CIDEC: variants seen among roughly 807,000 people sequenced by gnomAD.
CIDEC encodes the protein cell death inducing DFFA like effector c, also known as lipid transferase CIDEC.
CIDEC carries 11 observed loss-of-function variants against 21.9 expected under a neutral mutation model. The observed-to-expected ratio is 0.50, with a 90% confidence interval of 0.32 to 0.83. CIDEC has a LOEUF of 0.83. Ranked by LOEUF, CIDEC falls within the 40% of genes least tolerant of loss-of-function variation. CIDEC has a pLI of 0.04. For missense variants in CIDEC, 302 were observed against 302.3 expected (o/e 1.00, Z 0.01); for synonymous variants, 127 against 124.9 (o/e 1.02, Z -0.11).
At chr3:9,871,345 A>AT (rs58903003) in intron 4 of CIDEC, among the ~76,000 whole-genome samples, 10,866 of 120,608 alleles carry the variant, frequency 0.09, 606 homozygotes, top group South Asian at 0.21. Context: ...TGCCCAGCTA[A>AT]TTTTTTTTTT....
Position 9,867,105 on chromosome 3 carries a change from C to G in CIDEC, c.*29G>C. On this transcript the variant is annotated 3_prime_UTR_variant, in exon 7 of 7. Transcript: ENST00000336832. ...CGTGAGGCCCCCAGTCAGTCCTTCA[C>G]TGGGGAAAGCTTCCAAGGACTTGGG... The G allele has an allele frequency of 1.9e-6, 3 of 1,612,216 alleles. No homozygotes were observed. Among genetic ancestry groups the G allele is most frequent in the Non-Finnish European group, 2.5e-6 (3 of 1,179,796 alleles).
At chr3:9,870,141 A>T in intron 5 of CIDEC, 23 bp downstream of exon 5, 1 of 1,613,992 alleles carries the variant, frequency 6.2e-7, no homozygotes, top group Non-Finnish European at 8.5e-7. Flanking sequence ...CTCCCCCATC[A>T]GGTGCAACAG....
At chr3:9,869,459 A>G (rs1282431099) in intron 6 of CIDEC, among the ~76,000 whole-genome samples, 1 of 152,116 alleles carries the variant, frequency 6.6e-6, no homozygotes, top group Non-Finnish European at 1.5e-5. Context: ...CATGTTGGCC[A>G]GGCTGGTCTC....
chr3:9,870,473 G>A (rs2082333391), intron 4 of CIDEC, 151 bp from the exon 5 acceptor site: 2 of 1,536,520 alleles, frequency 1.3e-6, no homozygotes, highest in African/African-American at 2.7e-5. Flanking sequence ...AGGGTTCCTA[G>A]TCTAGAATAA....
intron 4 of CIDEC, among the ~76,000 whole-genome samples, chr3:9,874,236 C>T (rs185459385): frequency 6.6e-6 from 1 of 151,908 alleles, no homozygotes; most frequent in Non-Finnish European, 1.5e-5. Context: ...AATAAATAGG[C>T]CAGATGCAGT....
intron 6 of CIDEC, among the ~76,000 whole-genome samples, chr3:9,867,879 G>A (rs2082294822): frequency 6.6e-6 from 1 of 152,004 alleles, no homozygotes; most frequent in African/African-American, 2.4e-5. Flanking sequence ...GTAGTGAGCT[G>A]AGATTGTGCC....
intron 4 of CIDEC, among the ~76,000 whole-genome samples, chr3:9,874,621 A>G (rs1353572021): frequency 6.6e-6 from 1 of 152,134 alleles, no homozygotes; most frequent in Admixed American, 6.6e-5. Context: ...CTAGAAAATA[A>G]ATAACAGAGG....
chr3:9,870,416 A>G (rs2082332672), intron 4 of CIDEC, 94 bp from the exon 5 acceptor site: 1 of 1,585,710 alleles, frequency 6.3e-7, no homozygotes, highest in Admixed American at 1.8e-5. Flanking sequence ...CTGCTGTGGA[A>G]TCACTACCCA....
At chr3:9,880,202 A>G (rs2082486096) in intron 1 of CIDEC, 22 bp downstream of exon 1, 1 of 152,050 alleles carries the variant, frequency 6.6e-6, no homozygotes, top group African/African-American at 2.4e-5. Context: ...CCCCAAACCC[A>G]AAACAATAAC....
At chr3:9,876,288 A>G (rs1324413183) in intron 4 of CIDEC, among the ~76,000 whole-genome samples, 1 of 152,120 alleles carries the variant, frequency 6.6e-6, no homozygotes, top group Non-Finnish European at 1.5e-5. Flanking sequence ...AGCCTGGCCA[A>G]CATGACAAAA....
intron 4 of CIDEC, among the ~76,000 whole-genome samples, chr3:9,873,302 T>C (rs762680766): frequency 2.0e-5 from 3 of 152,188 alleles, no homozygotes; most frequent in Non-Finnish European, 2.9e-5. Flanking sequence ...TAAGTTGTTA[T>C]AGTGATTAAA....
intron 4 of CIDEC, among the ~76,000 whole-genome samples, chr3:9,876,006 C>T (rs2082417831): frequency 6.6e-6 from 1 of 152,186 alleles, no homozygotes; most frequent in Admixed American, 6.5e-5. Flanking sequence ...GAAATTGGCT[C>T]TCCGGAAGAA....
Position 9,869,912 on chromosome 3 carries a change from A to G in CIDEC, c.524T>C (p.Leu175Pro). The part of the protein sequence containing the change: ...FYDTYSLSYD[L>P]HCCGAKRIMK... The stretch of plus-strand genomic sequence containing the variant: ...GATGCGCTTGGCCCCACAGCAGTGC[A>G]GATCATAGGAAAGGGAGTATGTATC... The change falls in exon 6 of 7, where the codon CTG becomes CCG. Residue 175 changes from leucine (L) to proline (P), a missense_variant. Coordinates refer to ENST00000336832, the MANE Select transcript of CIDEC (RefSeq NM_001321142.2). 6.2e-7 allele frequency: 1 copy of G among 1,613,648 alleles called. No homozygotes were observed. The highest frequency in any genetic ancestry group is 8.5e-7 in the Non-Finnish European group (1 of 1,179,992).
At chr3:9,877,685 A>T (rs531090207) in intron 3 of CIDEC, among the ~76,000 whole-genome samples, 10 of 152,252 alleles carry the variant, frequency 6.6e-5, no homozygotes, top group East Asian at 1.9e-4. Context: ...AATAAAAATT[A>T]AAAAAAGCCT....
chr3:9,874,190 A>T (rs1005435796), intron 4 of CIDEC, among the ~76,000 whole-genome samples: 2 of 151,864 alleles, frequency 1.3e-5, no homozygotes, highest in Non-Finnish European at 2.9e-5. Context: ...TTAAAATAGA[A>T]ATACCTGTGT....
chr3:9,870,214 C>T lies in CIDEC; in HGVS notation c.316G>A (p.Val106Met), dbSNP rs1169034918. 2.5e-6 allele frequency: 4 copies of T among 1,614,094 alleles called. No homozygotes were observed. The highest frequency in any genetic ancestry group is 1.7e-5 in the Admixed American group (1 of 60,002). ...TGCCCCTTCTGGAGGACCATGAACA[C>T]TGTATCCCCTGCCAGGGCTTGGAAG... ...EYFQALAGDTVFMVLQKGQKW... is the reference protein window; with the variant it reads ...EYFQALAGDTMFMVLQKGQKW... The change falls in exon 5 of 7, where the codon GTG becomes ATG. Residue 106 changes from valine (V) to methionine (M), a missense_variant. Transcript: ENST00000336832.
rs750703841 is a variant in CIDEC, at chr3:9,867,342, C to T, written c.555-46G>A. ...CGCAAGTCAAAACCACGAAGTAGGT[C>T]GGGCATGGCGTTCACGCCTGTAATC... On this transcript the variant is annotated intron_variant, in intron 6 of 6. Coordinates refer to ENST00000336832, the MANE Select transcript of CIDEC (RefSeq NM_001321142.2). 71 of 1,604,712 alleles carry T rather than the reference C, an allele frequency of 4.4e-5. No homozygotes were observed. The South Asian group carries it at 6.9e-4, about 16-fold the overall frequency.
intron 4 of CIDEC, among the ~76,000 whole-genome samples, chr3:9,872,106 C>A (rs55779992): frequency 0.093 from 14,124 of 152,030 alleles, 785 homozygotes; most frequent in South Asian, 0.16. Context: ...AGGCACAACA[C>A]CCAGCCATAT....
At chr3:9,875,529 C>T (rs1406439452) in intron 4 of CIDEC, among the ~76,000 whole-genome samples, 7 of 152,268 alleles carry the variant, frequency 4.6e-5, no homozygotes, top group African/African-American at 1.7e-4. Flanking sequence ...ACTAAAGAGA[C>T]ATACAATTAA....
Sources: allele counts gnomAD v4.1 joint callset (sites outside exome capture counted in the v4.1 genomes callset), GRCh38; gene constraint gnomAD v4.1.1; transcripts MANE v1.5; gene names NCBI Gene and HGNC (gene_info 2026-07-23, HGNC 2026-07-21).